Variants in MALRD1 observed in about 807,000 individuals in gnomAD.
MALRD1 encodes the protein MAM and LDL receptor class A domain containing 1.
In MALRD1, 247 loss-of-function variants were observed where a neutral mutation model predicts 242.1. That is an observed-to-expected ratio of 1.02 (90% confidence interval 0.92 to 1.13). The LOEUF is 1.13. MALRD1 is among the 50% of genes most tolerant of loss of function. The pLI is 0.00. For missense variants in MALRD1, 2,989 were observed against 2,533.1 expected (o/e 1.18, Z -3.86); for synonymous variants, 995 against 866.6 (o/e 1.15, Z -2.60).
intron 28 of MALRD1, among the ~76,000 whole-genome samples, chr10:19,448,913 T>C (rs1232093564): frequency 6.6e-6 from 1 of 152,074 alleles, no homozygotes; most frequent in Non-Finnish European, 1.5e-5. Flanking sequence ...AAATCCTTTA[T>C]TACATCCATC....
chr10:19,150,601 G>C (rs1020481948), intron 11 of MALRD1, among the ~76,000 whole-genome samples: 8 of 152,310 alleles, frequency 5.3e-5, no homozygotes, highest in Admixed American at 5.2e-4. Flanking sequence ...GCAGTAAGCT[G>C]TGGGAATTAC....
In MALRD1 at chr10:19,303,906, C is replaced by T. The variant is rs190200071; in HGVS notation, c.3420-20043C>T. Among the ~76,000 whole-genome samples the T allele has an allele frequency of 2.3e-3, 345 of 151,668 alleles. 3 individuals are homozygous for T. Among genetic ancestry groups the T allele is most frequent in the African/African-American group, 7.8e-3 (325 of 41,442 alleles). On this transcript the variant is annotated intron_variant, in intron 21 of 39. Coordinates refer to ENST00000454679, the MANE Select transcript of MALRD1 (RefSeq NM_001142308.3). ...TTCAAATATACTTAAAAGTCCAGTA[C>T]CAAAAATGAAAAACTGGGTCATCTT...
At chr10:19,196,872 T>A (rs550244519) in intron 14 of MALRD1, among the ~76,000 whole-genome samples, 26 of 152,334 alleles carry the variant, frequency 1.7e-4, no homozygotes, top group Admixed American at 1.3e-3. Flanking sequence ...ATTAATCCTG[T>A]CATGTCTGCT....
intron 5 of MALRD1, among the ~76,000 whole-genome samples, chr10:19,105,179 C>T (rs1281166736): frequency 1.3e-5 from 2 of 152,092 alleles, no homozygotes; most frequent in East Asian, 3.9e-4. Context: ...ATGCTATCCT[C>T]CCCAGCCTCT....
Position 19,508,731 on chromosome 10 carries a change from T to C in MALRD1, c.5320+10085T>C, listed in dbSNP as rs1038392269. Among the ~76,000 whole-genome samples, 9 of 152,338 alleles carry C rather than the reference T, an allele frequency of 5.9e-5. No homozygotes were observed. In the East Asian group the frequency reaches 1.7e-3, roughly 29 times the overall value. On this transcript the variant is annotated intron_variant, in intron 31 of 39. Transcript: ENST00000454679. Reference sequence around the variant, plus strand: ...TAGATTAAATAAATTACTAAAAACTTGTTTACTTCTTAAAATGTGGCTACT... The same window carrying C: ...TAGATTAAATAAATTACTAAAAACTCGTTTACTTCTTAAAATGTGGCTACT...
chr10:19,461,523 A>G (rs1835941765), intron 29 of MALRD1, among the ~76,000 whole-genome samples: 1 of 152,202 alleles, frequency 6.6e-6, no homozygotes. Context: ...AATATGGTAC[A>G]ACGTCAGGAA....
intron 36 of MALRD1, among the ~76,000 whole-genome samples, chr10:19,655,445 A>G (rs1167599991): frequency 6.7e-6 from 1 of 150,290 alleles, no homozygotes; most frequent in African/African-American, 2.4e-5. Context: ...TATTCTTGAC[A>G]TCAAAGAGCC....
At chr10:19,051,921 CAAAAAAAAA>C (rs1178410946) in intron 1 of MALRD1, 7 of 62,718 alleles carry the variant, frequency 1.1e-4, no homozygotes, top group African/African-American at 2.4e-4. Flanking sequence ...GACTCCGTCT[CAAAAAAAAA>C]AAAAAAAAAA....
chr10:19,630,600 C>A (rs760451031), intron 36 of MALRD1, among the ~76,000 whole-genome samples: 2 of 152,098 alleles, frequency 1.3e-5, no homozygotes, highest in African/African-American at 2.4e-5. Flanking sequence ...ATATATTATT[C>A]TTTTCCATTT....
chr10:19,681,932 T>A (rs1361217367), intron 36 of MALRD1, among the ~76,000 whole-genome samples: 1 of 151,020 alleles, frequency 6.6e-6, no homozygotes, highest in Admixed American at 6.6e-5. Context: ...CTCAGCTCAC[T>A]GCTACCTCTG....
intron 28 of MALRD1, among the ~76,000 whole-genome samples, chr10:19,410,945 A>G (rs866983056): frequency 3.9e-5 from 6 of 151,958 alleles, no homozygotes; most frequent in South Asian, 2.1e-4. Context: ...GACCATGTGG[A>G]TTTTTTCCAT....
chr10:19,415,796 A>G (rs1427443380), intron 28 of MALRD1, among the ~76,000 whole-genome samples: 4 of 152,220 alleles, frequency 2.6e-5, no homozygotes, highest in African/African-American at 7.2e-5. Flanking sequence ...AATACTGCCA[A>G]TAGAAAGGGG....
intron 28 of MALRD1, among the ~76,000 whole-genome samples, chr10:19,429,110 T>G (rs1834018457): frequency 6.6e-6 from 1 of 152,180 alleles, no homozygotes; most frequent in Admixed American, 6.5e-5. Flanking sequence ...AATTCTAAAT[T>G]TAAAAACACA....
chr10:19,288,540 C>G (rs1841251825), intron 21 of MALRD1, among the ~76,000 whole-genome samples: 1 of 151,966 alleles, frequency 6.6e-6, no homozygotes, highest in Non-Finnish European at 1.5e-5. Context: ...CTCACATATA[C>G]ATGGTAATAA....
intron 36 of MALRD1, among the ~76,000 whole-genome samples, chr10:19,635,586 C>T (rs1336096617): frequency 6.6e-6 from 1 of 151,952 alleles, no homozygotes; most frequent in East Asian, 1.9e-4. Context: ...TTAAAAAATA[C>T]AGAAGAACAG....
intron 1 of MALRD1, among the ~76,000 whole-genome samples, chr10:19,057,314 A>G (rs1398810106): frequency 1.3e-5 from 2 of 152,092 alleles, no homozygotes; most frequent in Admixed American, 6.5e-5. Flanking sequence ...GTGCCAGCAG[A>G]TTCAGTGTCT....
intron 5 of MALRD1, among the ~76,000 whole-genome samples, chr10:19,110,908 G>A (rs565169242): frequency 2.2e-4 from 33 of 152,226 alleles, no homozygotes; most frequent in African/African-American, 7.2e-4. Flanking sequence ...TCACCTATTG[G>A]CTGGACTTTC....
intron 38 of MALRD1, chr10:19,728,667 C>T (rs533552528): frequency 1.4e-4 from 21 of 152,346 alleles, no homozygotes; most frequent in African/African-American, 5.1e-4. Flanking sequence ...CTCTTGGTGT[C>T]AGTGTCTGTC....
At chr10:19,725,402 C>G (rs572101544) in intron 38 of MALRD1, among the ~76,000 whole-genome samples, 45 of 152,244 alleles carry the variant, frequency 3.0e-4, no homozygotes, top group African/African-American at 9.4e-4. Flanking sequence ...ATTTGCTTCC[C>G]CTTCTGCCAT....
Sources: allele counts gnomAD v4.1 joint callset (sites outside exome capture counted in the v4.1 genomes callset), GRCh38; gene constraint gnomAD v4.1.1; transcripts MANE v1.5; gene names NCBI Gene and HGNC (gene_info 2026-07-23, HGNC 2026-07-21).